The following JPH2 variants were observed in gnomAD, a reference collection of about 807,000 sequenced individuals.
The protein encoded by JPH2 is junctophilin 2.
A neutral mutation model predicts 55.9 loss-of-function variants in JPH2; 38 were observed. The ratio of observed to expected loss-of-function variants is 0.68; its 90% CI spans 0.52 to 0.89. The LOEUF (loss-of-function observed/expected upper bound fraction) is 0.89, where lower values mean the gene tolerates loss of function less well. Among genes scored for constraint, JPH2 ranks in the 40% least tolerant of loss-of-function variants. The pLI, the probability that JPH2 is intolerant of heterozygous loss-of-function variation, is 0.00. For missense variants in JPH2, 964 were observed against 1,037.6 expected, an observed-to-expected ratio of 0.93 and a Z score of 0.97; for synonymous variants, 480 against 472.4, an observed-to-expected ratio of 1.02 and a Z score of -0.21.
chr20:44,118,663 G>A (rs2072212350), intron 2 of JPH2, 40 bp from the exon 3 acceptor site: 1 of 1,526,988 alleles, frequency 6.5e-7, no homozygotes, highest in African/African-American at 1.4e-5. Flanking sequence ...GATCCTTCCA[G>A]AGAACCAGCC....
intron 1 of JPH2, among the ~76,000 whole-genome samples, chr20:44,175,246 T>G (rs2072725062): frequency 6.6e-6 from 1 of 152,212 alleles, no homozygotes; most frequent in Admixed American, 6.5e-5. Context: ...ACCTAGCACC[T>G]AGCAGGCACT....
At chr20:44,132,168 A>G (rs1161306109) in intron 2 of JPH2, among the ~76,000 whole-genome samples, 1 of 152,166 alleles carries the variant, frequency 6.6e-6, no homozygotes, top group Non-Finnish European at 1.5e-5. Context: ...GTGTATGACA[A>G]AGAGTGAATT....
At chr20:44,153,401 A>G (rs1472639537) in intron 2 of JPH2, among the ~76,000 whole-genome samples, 1 of 152,136 alleles carries the variant, frequency 6.6e-6, no homozygotes, top group Non-Finnish European at 1.5e-5. Flanking sequence ...CCAGATTCAA[A>G]CCTAGGTCCA....
chr20:44,181,064 G>A (rs558880454), intron 1 of JPH2, among the ~76,000 whole-genome samples: 38 of 152,244 alleles, frequency 2.5e-4, no homozygotes, highest in African/African-American at 8.9e-4. Context: ...GGGGTGCCAA[G>A]CAGCTTACAA....
At chr20:44,122,185 T>C (rs1001098425) in intron 2 of JPH2, among the ~76,000 whole-genome samples, 1 of 152,202 alleles carries the variant, frequency 6.6e-6, no homozygotes, top group Non-Finnish European at 1.5e-5. Flanking sequence ...CTCTCCACTA[T>C]GCCATATTGC....
rs570646520 is a variant in JPH2 at position 44,123,486 on chromosome 20, C to T, written c.1170-4863G>A. On this transcript the variant is annotated intron_variant, in intron 2 of 5. Coordinates refer to ENST00000372980, the MANE Select transcript of JPH2 (RefSeq NM_020433.5). Reference sequence around the variant, plus strand: ...CCTCACCCCTTGCTTCAAATCTTTGCAAGGCTTCCTACTGTGCTCAAAATA... The same window carrying T: ...CCTCACCCCTTGCTTCAAATCTTTGTAAGGCTTCCTACTGTGCTCAAAATA... Among the ~76,000 whole-genome samples, 6 of 152,320 alleles carry T rather than the reference C, an allele frequency of 3.9e-5. No individual in the cohort carries two copies. In the South Asian group the frequency reaches 1.0e-3, roughly 26 times the overall value.
At position 44,116,147 on chromosome 20, in the gene JPH2, C is replaced by A; in HGVS notation, c.1528G>T (p.Gly510Cys). Residue 510 changes from glycine (G) to cysteine (C), a missense_variant, in exon 4 of 6, where the codon GGC (glycine) becomes TGC (cysteine). Transcript: ENST00000372980. ...GVSKDGLLSP[G>C]AWNGEPSGEG... The stretch of plus-strand genomic sequence containing the variant: ...CCGCTGGGCTCGCCGTTCCAGGCGC[C>A]TGGGCTCAGCAGGCCGTCCTTGGAC... 1 of 1,431,150 alleles carries A rather than the reference C, an allele frequency of 7.0e-7. No homozygotes were observed. The highest frequency in any genetic ancestry group is 2.9e-5 in the Admixed American group (1 of 34,716). 88.7% of individuals were successfully genotyped at this position (1,431,150 alleles called of 1,614,324 possible).
intron 1 of JPH2, among the ~76,000 whole-genome samples, chr20:44,182,506 A>G (rs1251957774): frequency 6.6e-6 from 1 of 152,128 alleles, no homozygotes; most frequent in African/African-American, 2.4e-5. Context: ...GGACCTGCAA[A>G]GCCTGTGTGA....
rs746846724 is a variant in JPH2 at position 44,115,943 on chromosome 20, G to T, written c.1732C>A (p.Pro578Thr). ...TCGGGCTGGTCCTCAAAGGGTGGGG[G>T]CTCGGGCGGCGTGGTGCGCACAGCA... ...SYAVRTTPPE[P>T]PPFEDQPEPE... The change falls in exon 4 of 6, where the codon CCC (proline) becomes ACC (threonine). Residue 578 changes from proline (P) to threonine (T), a missense_variant. Coordinates refer to ENST00000372980, the MANE Select transcript of JPH2 (RefSeq NM_020433.5). The T allele has an allele frequency of 1.2e-5, 19 of 1,568,452 alleles. No individual in the cohort carries two copies. In the African/African-American group the frequency reaches 2.3e-4, roughly 19 times the overall value.
At chr20:44,182,449 G>T (rs1374582924) in intron 1 of JPH2, among the ~76,000 whole-genome samples, 1 of 152,148 alleles carries the variant, frequency 6.6e-6, no homozygotes, top group African/African-American at 2.4e-5. Context: ...CAGGGCTTCT[G>T]GTCACCTGGC....
intron 2 of JPH2, among the ~76,000 whole-genome samples, chr20:44,124,588 A>C (rs1318713365): frequency 6.6e-6 from 1 of 151,728 alleles, no homozygotes; most frequent in Non-Finnish European, 1.5e-5. Flanking sequence ...CTGAGGCAGG[A>C]GGATCACTTG....
At chr20:44,163,090 T>G (rs1258516494) in intron 1 of JPH2, among the ~76,000 whole-genome samples, 1 of 152,098 alleles carries the variant, frequency 6.6e-6, no homozygotes, top group African/African-American at 2.4e-5. Flanking sequence ...ACTTATTTAT[T>G]ACATTAATTG....
At chr20:44,170,229 A>G (rs917657994) in intron 1 of JPH2, among the ~76,000 whole-genome samples, 1 of 152,096 alleles carries the variant, frequency 6.6e-6, no homozygotes, top group Non-Finnish European at 1.5e-5. Context: ...AATCCTTCAT[A>G]GCCCAGTTTC....
chr20:44,141,755 T>G (rs929698770), intron 2 of JPH2, among the ~76,000 whole-genome samples: 12 of 152,150 alleles, frequency 7.9e-5, no homozygotes, highest in African/African-American at 2.9e-4. Context: ...GCAATCCTCC[T>G]GCCTCTGCCT....
intron 2 of JPH2, among the ~76,000 whole-genome samples, chr20:44,142,847 T>C (rs1411395901): frequency 6.6e-6 from 1 of 152,182 alleles, no homozygotes; most frequent in Non-Finnish European, 1.5e-5. Context: ...GGGTGCCCCA[T>C]GCTGTGGGTT....
At chr20:44,122,832 C>G (rs4810411) in intron 2 of JPH2, among the ~76,000 whole-genome samples, 1 of 152,000 alleles carries the variant, frequency 6.6e-6, no homozygotes, top group Non-Finnish European at 1.5e-5. Flanking sequence ...TTTGCCTGCA[C>G]GTGAGTATGT....
chr20:44,149,501 G>A (rs1327758089), intron 2 of JPH2, among the ~76,000 whole-genome samples: 1 of 152,198 alleles, frequency 6.6e-6, no homozygotes, highest in Non-Finnish European at 1.5e-5. Flanking sequence ...GAGTTTTCCT[G>A]CCTGGATGTG....
Position 44,159,647 on chromosome 20 carries a change from C to T in JPH2, c.1140G>A (p.Ala380=), listed in dbSNP as rs780588148. 1.2e-5 allele frequency: 20 copies of T among 1,607,028 alleles called. No individual in the cohort carries two copies. The East Asian group carries it at 3.6e-4, about 29-fold the overall frequency. Residue 380 remains alanine (A), a synonymous_variant, in exon 2 of 6, where the codon GCG becomes GCA. Coordinates refer to ENST00000372980, the MANE Select transcript of JPH2 (RefSeq NM_020433.5). The surrounding 1 kb of genome is among the most constrained non-coding windows in gnomAD (Gnocchi z 5.7). ...VEGAQRAAAI[A]RQKAEIAASR... is the part of the protein sequence containing the mutation. ...AGGCGGCAATCTCGGCCTTCTGGCGCGCGATAGCAGCGGCGCGCTGGGCAC... is the reference window on the plus strand; with the variant it reads ...AGGCGGCAATCTCGGCCTTCTGGCGTGCGATAGCAGCGGCGCGCTGGGCAC...
chr20:44,139,542 T>C (rs947019749), intron 2 of JPH2, among the ~76,000 whole-genome samples: 4 of 152,080 alleles, frequency 2.6e-5, no homozygotes, highest in African/African-American at 9.7e-5. Flanking sequence ...ATCTCCAATA[T>C]ATACACAGCA....
Sources: gnomAD v4.1 joint callset for allele counts (sites outside exome capture counted in the v4.1 genomes callset) on GRCh38, gnomAD v4.1.1 for gene constraint, Gnocchi (gnomAD v3.1) non-coding constraint, MANE v1.5 for transcripts, NCBI Gene and HGNC (gene_info 2026-07-23, HGNC 2026-07-21) for gene names.